The following LRP1B variants were observed in gnomAD, a reference collection of about 807,000 sequenced individuals.
LRP1B encodes the protein LDL receptor related protein 1B, also known as low-density lipoprotein receptor-related protein 1B.
LRP1B carries 217 observed loss-of-function variants against 556.6 expected under a neutral mutation model. That is an observed-to-expected ratio of 0.39 (90% CI 0.35 to 0.44). LRP1B has a LOEUF of 0.44. Ranked by LOEUF, LRP1B falls within the 20% of genes least tolerant of loss-of-function variation. LRP1B has a pLI of 1.00. For missense variants in LRP1B, 5,053 were observed against 5,620.8 expected (o/e 0.90, Z 3.23); for synonymous variants, 2,047 against 1,865.8 (o/e 1.10, Z -2.50).
intron 27 of LRP1B, among the ~76,000 whole-genome samples, chr2:140,861,896 C>T (rs749844974): frequency 6.6e-6 from 1 of 152,114 alleles, no homozygotes; most frequent in African/African-American, 2.4e-5. Context: ...TGTGTGTGTG[C>T]GCATGCACAC....
At chr2:141,131,836 AT>A (rs142553889) in intron 7 of LRP1B, among the ~76,000 whole-genome samples, 6 of 150,984 alleles carry the variant, frequency 4.0e-5, no homozygotes, top group Admixed American at 1.3e-4. Flanking sequence ...CCCAAACAGC[AT>A]TTTTTTTTAA....
intron 6 of LRP1B, among the ~76,000 whole-genome samples, chr2:141,205,180 A>T (rs967368842): frequency 2.2e-4 from 33 of 152,170 alleles, no homozygotes; most frequent in African/African-American, 7.5e-4. Flanking sequence ...GATGTTTGTT[A>T]TATATCTGGC....
intron 82 of LRP1B, among the ~76,000 whole-genome samples, chr2:140,321,686 TA>T (rs970548370): frequency 1.3e-5 from 2 of 151,814 alleles, no homozygotes; most frequent in East Asian, 1.9e-4. Context: ...AGAAGAGTTA[TA>T]AAAAAAATCT....
At chr2:141,932,398 C>T (rs773847899) in intron 1 of LRP1B, among the ~76,000 whole-genome samples, 11 of 152,016 alleles carry the variant, frequency 7.2e-5, no homozygotes, top group Non-Finnish European at 1.6e-4. Context: ...GAAGAATATA[C>T]TCTTATTAAC....
Position 141,609,927 on chromosome 2 carries a change from T to C in LRP1B, c.206-129394A>G, listed in dbSNP as rs536624366. Among the ~76,000 whole-genome samples, 36 of 152,326 alleles carry C rather than the reference T, an allele frequency of 2.4e-4. No individual in the cohort carries two copies. The South Asian group carries it at 5.4e-3, about 23-fold the overall frequency. On this transcript the variant is annotated intron_variant, in intron 2 of 90. Coordinates refer to ENST00000389484, the MANE Select transcript of LRP1B (RefSeq NM_018557.3). ...TCAAATATAGCTAATGTATGTCCTG[T>C]TCAATAACAGTACAGTACTAAAATG...
rs116692706 is a variant in LRP1B at position 140,848,633 on chromosome 2, G to A, written c.4939+1469C>T. ...AGACTTGAAAGCATAGGTGTTTGATGCATTTATATGGATTACTGATTACTC... is the reference window on the plus strand; with the variant it reads ...AGACTTGAAAGCATAGGTGTTTGATACATTTATATGGATTACTGATTACTC... On this transcript the variant is annotated intron_variant, in intron 29 of 90. Transcript: ENST00000389484. 2.2e-3 allele frequency among the ~76,000 whole-genome samples: 342 copies of A among 152,246 alleles called. 1 individual carries two copies. The highest frequency in any genetic ancestry group is 7.7e-3 in the African/African-American group (319 of 41,552).
chr2:140,591,344 G>GT (rs1281012650), intron 43 of LRP1B, among the ~76,000 whole-genome samples: 1 of 152,164 alleles, frequency 6.6e-6, no homozygotes, highest in East Asian at 1.9e-4. Context: ...TAAAATTAAA[G>GT]TCCAGAGAAG....
intron 66 of LRP1B, among the ~76,000 whole-genome samples, chr2:140,413,357 G>GT (rs1473960366): frequency 1.3e-5 from 2 of 152,080 alleles, no homozygotes; most frequent in Admixed American, 1.3e-4. Context: ...GTTTAATAAT[G>GT]TTTGCTTTAG....
intron 43 of LRP1B, among the ~76,000 whole-genome samples, chr2:140,569,102 T>C (rs1368988703): frequency 6.6e-6 from 1 of 151,760 alleles, no homozygotes; most frequent in East Asian, 1.9e-4. Context: ...AACCAAACCT[T>C]ATCACAACAA....
chr2:140,623,232 C>T (rs1044266084), intron 41 of LRP1B, among the ~76,000 whole-genome samples: 24 of 152,094 alleles, frequency 1.6e-4, no homozygotes, highest in Non-Finnish European at 2.9e-4. Context: ...TAGTCCTTTT[C>T]CTCTATGACC....
At chr2:140,535,101 G>C (rs567416944) in intron 46 of LRP1B, among the ~76,000 whole-genome samples, 28 of 152,178 alleles carry the variant, frequency 1.8e-4, no homozygotes, top group African/African-American at 6.5e-4. Context: ...TTAAAGGATG[G>C]TAAATAATAA....
Position 141,920,284 on chromosome 2 carries a change from G to T in LRP1B, c.83-109883C>A, listed in dbSNP as rs1304993393. ...ATTTTTTTCTTCTTTTTTTTTGGGGGGGGGTGGTAGGGATAATCATTTATT... is the reference window on the plus strand; with the variant it reads ...ATTTTTTTCTTCTTTTTTTTTGGGGTGGGGTGGTAGGGATAATCATTTATT... On this transcript the variant is annotated intron_variant, in intron 1 of 90. Coordinates refer to ENST00000389484, the MANE Select transcript of LRP1B (RefSeq NM_018557.3). Among the ~76,000 whole-genome samples, 7 of 122,892 alleles carry T rather than the reference G, an allele frequency of 5.7e-5. 1 individual carries two copies. Among genetic ancestry groups the T allele is most frequent in the Non-Finnish European group, 8.7e-5 (5 of 57,568 alleles). 80.6% of individuals were successfully genotyped at this position (122,892 alleles called of 152,430 possible). A position where few individuals can be genotyped will look rare whatever the true frequency, so the allele number is the denominator to read the frequency against.
chr2:140,440,739 A>ATGTGTGTGTGTGTGTGTGTGTGTGTGTG (rs1279713239), intron 66 of LRP1B, among the ~76,000 whole-genome samples: 56 of 86,430 alleles, frequency 6.5e-4, no homozygotes, highest in African/African-American at 2.5e-3. Flanking sequence ...GTCCCTCTGT[A>ATGTGTGTGTGTGTGTGTGTGTGTGTGTG]TGTATGTGTG....
intron 3 of LRP1B, among the ~76,000 whole-genome samples, chr2:141,314,899 T>C (rs1321653660): frequency 1.4e-5 from 2 of 145,706 alleles, no homozygotes; most frequent in African/African-American, 2.5e-5. Flanking sequence ...TATATACATA[T>C]ATATATATAT....
intron 7 of LRP1B, among the ~76,000 whole-genome samples, chr2:141,144,005 G>GT (rs1701721086): frequency 6.6e-6 from 1 of 152,110 alleles, no homozygotes; most frequent in Admixed American, 6.5e-5. Context: ...CCTAGTGAGT[G>GT]TTTGGGTAGG....
chr2:141,793,899 C>G (rs537068821), intron 2 of LRP1B, among the ~76,000 whole-genome samples: 1 of 151,614 alleles, frequency 6.6e-6, no homozygotes, highest in Admixed American at 6.6e-5. Context: ...CCAATTAAGT[C>G]GGAATATTAT....
At chr2:141,340,434 G>A (rs1353440017) in intron 3 of LRP1B, among the ~76,000 whole-genome samples, 1 of 152,116 alleles carries the variant, frequency 6.6e-6, no homozygotes, top group African/African-American at 2.4e-5. Flanking sequence ...GGCCTCTGAA[G>A]CAGCAAGAAT....
At chr2:140,665,548 A>AT (rs1385198739) in intron 41 of LRP1B, among the ~76,000 whole-genome samples, 2 of 152,128 alleles carry the variant, frequency 1.3e-5, no homozygotes, top group Non-Finnish European at 2.9e-5. Flanking sequence ...TCCATAGCCT[A>AT]TTTCAGTGGC....
intron 1 of LRP1B, among the ~76,000 whole-genome samples, chr2:142,110,500 AT>A (rs1166009545): frequency 4.6e-5 from 7 of 152,134 alleles, no homozygotes; most frequent in African/African-American, 1.7e-4. Flanking sequence ...CAATAAGTTA[AT>A]AAGTAGTGGG....
Sources: allele counts gnomAD v4.1 joint callset (sites outside exome capture counted in the v4.1 genomes callset), GRCh38; gene constraint gnomAD v4.1.1; transcripts MANE v1.5; gene names NCBI Gene and HGNC (gene_info 2026-07-23, HGNC 2026-07-21).